The following BTAF1 variants were observed in gnomAD, a reference collection of about 807,000 sequenced individuals.
The protein encoded by BTAF1 is B-TFIID TATA-box binding protein associated factor 1.
A neutral mutation model predicts 227.1 loss-of-function variants in BTAF1; 38 were observed. That is an observed-to-expected ratio of 0.17 (90% confidence interval 0.13 to 0.22). The LOEUF (loss-of-function observed/expected upper bound fraction) is 0.22. Ranked by LOEUF, BTAF1 falls within the 10% of genes least tolerant of loss-of-function variation. The probability of loss-of-function intolerance (pLI) is 1.00; values close to 1 mark genes in which losing one functional copy is unlikely to be tolerated. For synonymous variants in BTAF1, 742 were observed against 751.9 expected, an observed-to-expected ratio of 0.99 and a Z score of 0.21; for missense variants, 1,598 against 2,204.0, an observed-to-expected ratio of 0.73 and a Z score of 5.51.
At chr10:91,960,250 G>A in intron 11 of BTAF1, 96 bp downstream of exon 11, 4 of 1,302,732 alleles carry the variant, frequency 3.1e-6, no homozygotes, top group Non-Finnish European at 4.1e-6. Flanking sequence ...GATTCTTACT[G>A]TTACAGAGAA....
At chr10:91,976,681 T>C (rs1051571561) in intron 14 of BTAF1, among the ~76,000 whole-genome samples, 1 of 152,228 alleles carries the variant, frequency 6.6e-6, no homozygotes, top group Non-Finnish European at 1.5e-5. Context: ...AAATTTCTTA[T>C]ATTACAGTAT....
intron 24 of BTAF1, among the ~76,000 whole-genome samples, chr10:91,996,910 G>A (rs1470411399): frequency 6.6e-6 from 1 of 152,002 alleles, no homozygotes; most frequent in African/African-American, 2.4e-5. Context: ...TTATTAATCA[G>A]GTATTCTATA....
At position 91,924,013 on chromosome 10, in the gene BTAF1, A is replaced by T. The variant is rs1843656129; in HGVS notation, c.-64A>T. On this transcript the variant is annotated 5_prime_UTR_variant, in exon 1 of 38. An upstream open reading frame in the 5' UTR gains an earlier in-frame stop. Transcript: ENST00000265990. ...GGGCCTGCGCCGCTCAGCTCTCTGGAAACTAGCGCCTCAGCTGCGCGGCGC... is the reference window on the plus strand; with the variant it reads ...GGGCCTGCGCCGCTCAGCTCTCTGGTAACTAGCGCCTCAGCTGCGCGGCGC... 6.3e-7 allele frequency: 1 copy of T among 1,579,586 alleles called. No homozygotes were observed. Among genetic ancestry groups the T allele is most frequent in the Admixed American group, 1.9e-5 (1 of 53,498 alleles).
chr10:91,926,503 C>G (rs968775179), intron 1 of BTAF1, among the ~76,000 whole-genome samples: 1 of 152,172 alleles, frequency 6.6e-6, no homozygotes. Context: ...TCTAATCTTT[C>G]TCCAGCTGAT....
intron 37 of BTAF1, 110 bp downstream of exon 37, chr10:92,027,410 A>T (rs1358183454): frequency 1.0e-6 from 1 of 991,802 alleles, no homozygotes; most frequent in Non-Finnish European, 1.5e-6. Flanking sequence ...TATCCATGAG[A>T]TCACCACTGG....
intron 37 of BTAF1, 67 bp from the exon 38 acceptor site, chr10:92,028,723 A>C: frequency 6.9e-7 from 1 of 1,440,940 alleles, no homozygotes; most frequent in East Asian, 2.4e-5. Flanking sequence ...GTGATTTTAA[A>C]GGAAAATACA....
chr10:91,932,935 A>G (rs573318174), intron 1 of BTAF1, among the ~76,000 whole-genome samples: 1 of 152,326 alleles, frequency 6.6e-6, no homozygotes, highest in African/African-American at 2.4e-5. Flanking sequence ...CCATATTCTC[A>G]GCTGTGCCTC....
At chr10:92,013,369 T>C (rs1333891085) in intron 30 of BTAF1, among the ~76,000 whole-genome samples, 3 of 152,314 alleles carry the variant, frequency 2.0e-5, no homozygotes, top group Non-Finnish European at 4.4e-5. Context: ...CAGAAAGTTA[T>C]CTTTCTGCTC....
chr10:92,013,568 C>G, intron 30 of BTAF1, 99 bp from the exon 31 acceptor site: 2 of 1,425,014 alleles, frequency 1.4e-6, no homozygotes, highest in Non-Finnish European at 2.0e-6. Flanking sequence ...GATAATCTCT[C>G]ATCTATATGA....
intron 25 of BTAF1, among the ~76,000 whole-genome samples, chr10:92,001,862 C>T (rs545831736): frequency 6.7e-6 from 1 of 149,840 alleles, no homozygotes; most frequent in African/African-American, 2.5e-5. Context: ...TCTGTAACAC[C>T]AGCACTTTGG....
At chr10:91,959,200 C>T (rs1275533112) in intron 9 of BTAF1, 46 bp downstream of exon 9, 1 of 1,611,674 alleles carries the variant, frequency 6.2e-7, no homozygotes, top group East Asian at 2.2e-5. Flanking sequence ...TAATAGTTGG[C>T]ATCTTTTTCC....
rs532070946 is a variant in BTAF1, at chr10:91,953,595, A to G, written c.565-142A>G. On this transcript the variant is annotated intron_variant, in intron 5 of 37. Transcript: ENST00000265990. ...GAAATTATGGTACAGTCATACAACA[A>G]AAGAGTGTGAACCTGTCAAAAAAGA... 131 of 913,296 alleles carry G rather than the reference A, an allele frequency of 1.4e-4. 2 individuals are homozygous for G. In the East Asian group the frequency reaches 2.9e-3, roughly 20 times the overall value. The allele number at this position is 913,296 out of a possible 1,614,324, so 56.6% of individuals were successfully genotyped here. A position where few individuals can be genotyped will look rare whatever the true frequency, so the allele number is the denominator to read the frequency against.
At position 91,964,231 on chromosome 10, in the gene BTAF1, A is replaced by C. The variant is rs200484582; in HGVS notation, c.1529+30A>C. The C allele has an allele frequency of 1.3e-4, 215 of 1,602,330 alleles. No individual in the cohort carries two copies. The African/African-American group carries it at 2.7e-3, about 20-fold the overall frequency. On this transcript the variant is annotated intron_variant, in intron 13 of 37. Coordinates refer to ENST00000265990, the MANE Select transcript of BTAF1 (RefSeq NM_003972.3). ...TTATTTCTAATTAGTGGAATAAAGTAAAAAGTCTTTACATACCTTTCGAGA... is the reference window on the plus strand; with the variant it reads ...TTATTTCTAATTAGTGGAATAAAGTCAAAAGTCTTTACATACCTTTCGAGA...
chr10:92,018,088 G>T (rs1011372053), intron 33 of BTAF1, among the ~76,000 whole-genome samples: 6 of 151,932 alleles, frequency 3.9e-5, no homozygotes, highest in African/African-American at 1.5e-4. Flanking sequence ...AGGTCCTCAA[G>T]AATTTTTTTT....
intron 25 of BTAF1, among the ~76,000 whole-genome samples, chr10:91,998,677 A>T (rs1320664881): frequency 6.6e-6 from 1 of 152,212 alleles, no homozygotes; most frequent in African/African-American, 2.4e-5. Flanking sequence ...GCTGAATTGT[A>T]TTCCATTGTA....
chr10:91,978,002 C>G (rs1589859276), intron 14 of BTAF1, among the ~76,000 whole-genome samples: 1 of 152,164 alleles, frequency 6.6e-6, no homozygotes, highest in Non-Finnish European at 1.5e-5. Flanking sequence ...ATCAGCGAAC[C>G]TGCATTGACA....
chr10:91,941,649 G>A (rs1270293800), intron 3 of BTAF1, among the ~76,000 whole-genome samples: 1 of 152,168 alleles, frequency 6.6e-6, no homozygotes, highest in African/African-American at 2.4e-5. Context: ...TATGGGGAGG[G>A]ATGATTCTTA....
chr10:91,977,489 C>A (rs979289083), intron 14 of BTAF1, among the ~76,000 whole-genome samples: 1 of 152,180 alleles, frequency 6.6e-6, no homozygotes, highest in African/African-American at 2.4e-5. Flanking sequence ...ATTCACCTAC[C>A]GAAGACATCT....
intron 1 of BTAF1, 57 bp downstream of exon 1, chr10:91,924,147 C>A: frequency 6.3e-7 from 1 of 1,587,066 alleles, no homozygotes; most frequent in South Asian, 1.1e-5. Flanking sequence ...GCATGGTCTC[C>A]TCTTAGAGCC....
Sources: gnomAD v4.1 joint callset for allele counts (sites outside exome capture counted in the v4.1 genomes callset) on GRCh38, gnomAD v4.1.1 for gene constraint, MANE v1.5 for transcripts, NCBI Gene and HGNC (gene_info 2026-07-23, HGNC 2026-07-21) for gene names.